The following ADGRG6 variants were observed in gnomAD, a reference collection of about 807,000 sequenced individuals.
The protein encoded by ADGRG6 is G-protein coupled receptor 126.
A neutral mutation model predicts 142.4 loss-of-function variants in ADGRG6; 84 were observed. The ratio of observed to expected loss-of-function variants is 0.59; its 90% confidence interval spans 0.49 to 0.71. ADGRG6 has a LOEUF of 0.71. Among genes scored for constraint, ADGRG6 ranks in the 30% least tolerant of loss-of-function variants. The pLI is 0.00. For synonymous variants in ADGRG6, 521 were observed against 520.5 expected (o/e 1.00, Z -0.01); for missense variants, 1,367 against 1,466.6 (o/e 0.93, Z 1.11).
intron 9 of ADGRG6, among the ~76,000 whole-genome samples, chr6:142,394,203 A>G (rs543659977): frequency 6.6e-6 from 1 of 152,304 alleles, no homozygotes; most frequent in South Asian, 2.1e-4. Flanking sequence ...ATGGATTATT[A>G]TTTTTAGTAT....
Position 142,439,451 on chromosome 6 carries a change from A to G in ADGRG6, c.3574+1087A>G, listed in dbSNP as rs188355324. The stretch of plus-strand genomic sequence containing the variant: ...TAAGGTGTGTGATGTGTCTGTAATT[A>G]TTCATATTGCAAATACTTGAATTAC... On this transcript the variant is annotated intron_variant, in intron 24 of 24. Transcript: ENST00000367609. Among the ~76,000 whole-genome samples the G allele has an allele frequency of 4.9e-3, 751 of 152,312 alleles. 9 individuals carry two copies. The highest frequency in any genetic ancestry group is 0.017 in the African/African-American group (713 of 41,564).
intron 2 of ADGRG6, among the ~76,000 whole-genome samples, chr6:142,356,216 G>A (rs1780437000): frequency 6.6e-6 from 1 of 152,204 alleles, no homozygotes; most frequent in African/African-American, 2.4e-5. Context: ...GCACGCTAAA[G>A]CAGCTGTATT....
chr6:142,413,713 G>A (rs2115063670), intron 18 of ADGRG6, among the ~76,000 whole-genome samples: 1 of 152,124 alleles, frequency 6.6e-6, no homozygotes, highest in Non-Finnish European at 1.5e-5. Flanking sequence ...CATGTACCCT[G>A]GGTGCCCCGT....
chr6:142,331,831 C>T (rs1198737654), intron 2 of ADGRG6, among the ~76,000 whole-genome samples: 1 of 152,100 alleles, frequency 6.6e-6, no homozygotes. Flanking sequence ...TTTTCATTCA[C>T]AGCTTGTGGA....
At chr6:142,349,225 C>T (rs1263858952) in intron 2 of ADGRG6, among the ~76,000 whole-genome samples, 2 of 152,178 alleles carry the variant, frequency 1.3e-5, no homozygotes, top group Non-Finnish European at 2.9e-5. Context: ...AGATAAAGTT[C>T]CTGAAACACC....
chr6:142,312,591 A>G (rs1179796661), intron 2 of ADGRG6, among the ~76,000 whole-genome samples: 1 of 152,082 alleles, frequency 6.6e-6, no homozygotes, highest in Non-Finnish European at 1.5e-5. Context: ...TACAATCAAA[A>G]TTGTTAGGAA....
intron 18 of ADGRG6, among the ~76,000 whole-genome samples, chr6:142,413,428 G>A (rs575566301): frequency 1.2e-4 from 18 of 151,992 alleles, no homozygotes; most frequent in South Asian, 4.1e-4. Flanking sequence ...TTTTCATATT[G>A]GCTATATCAT....
chr6:142,317,901 A>ATATATTATATATATTTATATTATATATT (rs1554230577), intron 2 of ADGRG6, among the ~76,000 whole-genome samples: 2 of 37,016 alleles, frequency 5.4e-5, no homozygotes, highest in African/African-American at 3.0e-4. Flanking sequence ...TTATATATTT[A>ATATATTATATATATTTATATTATATATT]TATATATTAT....
rs1777131971 is a variant in ADGRG6 at position 142,429,972 on chromosome 6, GC to G, written c.3320-7459del. On this transcript the variant is annotated intron_variant, in intron 22 of 24. Coordinates refer to ENST00000367609, the MANE Select transcript of ADGRG6 (RefSeq NM_198569.3). ...AGGCTGAGGCAAAACGATTGCTTGA[GC>G]CCAGAAGTTCAAGGTTACAGTGATT... 2.0e-5 allele frequency among the ~76,000 whole-genome samples: 3 copies of G among 152,228 alleles called. No homozygotes were observed. In the South Asian group the frequency reaches 6.2e-4, roughly 32 times the overall value.
intron 22 of ADGRG6, among the ~76,000 whole-genome samples, chr6:142,432,196 A>G (rs918235046): frequency 6.6e-6 from 1 of 152,064 alleles, no homozygotes; most frequent in African/African-American, 2.4e-5. Flanking sequence ...ATTTCTTTCC[A>G]TATTGCTTGT....
At chr6:142,371,077 C>T (rs1583050550) in intron 4 of ADGRG6, 2 of 352,342 alleles carry the variant, frequency 5.7e-6, no homozygotes, top group Non-Finnish European at 1.0e-5. Flanking sequence ...CAGAGTTTAT[C>T]ACGAATATAA....
intron 4 of ADGRG6, among the ~76,000 whole-genome samples, chr6:142,380,599 T>A (rs777029700): frequency 3.3e-4 from 50 of 152,188 alleles, no homozygotes; most frequent in Non-Finnish European, 5.9e-4. Context: ...AGTGCCTCCT[T>A]GGTACTTGTT....
intron 4 of ADGRG6, among the ~76,000 whole-genome samples, chr6:142,373,612 C>T (rs1484676552): frequency 2.0e-5 from 3 of 152,152 alleles, no homozygotes; most frequent in Non-Finnish European, 2.9e-5. Flanking sequence ...CATCAGAGAT[C>T]GCTATAACCT....
intron 6 of ADGRG6, among the ~76,000 whole-genome samples, chr6:142,386,227 C>T (rs1026838748): frequency 2.6e-5 from 4 of 152,124 alleles, no homozygotes; most frequent in Non-Finnish European, 4.4e-5. Context: ...ACTAAGTCCT[C>T]ATTAATGTCA....
At chr6:142,408,034 T>C (rs1407984861) in intron 15 of ADGRG6, 116 bp from the exon 16 acceptor site, 18 of 656,180 alleles carry the variant, frequency 2.7e-5, no homozygotes, top group Non-Finnish European at 4.1e-5. Context: ...AACAGGATGT[T>C]CTAGAACTGA....
chr6:142,402,964 G>C, intron 13 of ADGRG6, 134 bp downstream of exon 13: 1 of 481,258 alleles, frequency 2.1e-6, no homozygotes, highest in Non-Finnish European at 3.6e-6. Context: ...GTCGTTAATA[G>C]TGAAGCAAGG....
chr6:142,436,865 T>C (rs1395561309), intron 22 of ADGRG6, among the ~76,000 whole-genome samples: 1 of 152,158 alleles, frequency 6.6e-6, no homozygotes, highest in Non-Finnish European at 1.5e-5. Context: ...TGTGTTAAAA[T>C]CTTGAAAAGC....
At chr6:142,347,105 G>A (rs1015664898) in intron 2 of ADGRG6, among the ~76,000 whole-genome samples, 11 of 152,234 alleles carry the variant, frequency 7.2e-5, no homozygotes, top group Admixed American at 5.9e-4. Flanking sequence ...GTTTATATAT[G>A]TATGGATGTA....
At chr6:142,356,277 C>T (rs1230436330) in intron 2 of ADGRG6, among the ~76,000 whole-genome samples, 2 of 152,182 alleles carry the variant, frequency 1.3e-5, no homozygotes, top group Non-Finnish European at 2.9e-5. Context: ...TCTAAATCTT[C>T]ACAATCTGTC....
Sources: gnomAD v4.1 joint callset for allele counts (sites outside exome capture counted in the v4.1 genomes callset) on GRCh38, gnomAD v4.1.1 for gene constraint, MANE v1.5 for transcripts, NCBI Gene and HGNC (gene_info 2026-07-23, HGNC 2026-07-21) for gene names.